RBPJ: variants seen among roughly 807,000 people sequenced by gnomAD.
RBPJ encodes the protein recombining binding protein suppressor of hairless.
Under a neutral mutation model 67.8 loss-of-function variants are expected in RBPJ, and 9 were observed. That is an observed-to-expected ratio of 0.13 (90% CI 0.08 to 0.23). The LOEUF is 0.23. RBPJ is among the 10% of genes least tolerant of loss of function. The probability of loss-of-function intolerance (pLI) is 1.00; values close to 1 mark genes in which losing one functional copy is unlikely to be tolerated. For missense variants in RBPJ, 305 were observed against 595.6 expected (o/e 0.51, Z 5.08); for synonymous variants, 198 against 203.3 (o/e 0.97, Z 0.22).
intron 1 of RBPJ, among the ~76,000 whole-genome samples, chr4:26,270,132 C>T (rs1353801555): frequency 6.6e-6 from 1 of 151,078 alleles, no homozygotes; most frequent in Non-Finnish European, 1.5e-5. Context: ...CAATACAAAG[C>T]TTACCCAGGT....
intron 1 of RBPJ, among the ~76,000 whole-genome samples, chr4:26,291,988 T>C (rs140475915): frequency 1.3e-5 from 2 of 151,110 alleles, no homozygotes; most frequent in African/African-American, 4.9e-5. Flanking sequence ...GACGATTTGA[T>C]ATATGTACAT....
chr4:26,280,216 G>A (rs1003575660), intron 1 of RBPJ, among the ~76,000 whole-genome samples: 24 of 151,676 alleles, frequency 1.6e-4, no homozygotes, highest in African/African-American at 4.6e-4. Context: ...CTAACACGGC[G>A]AAACCCCAAC....
chr4:26,411,382 A>G (rs1253885030), intron 3 of RBPJ, among the ~76,000 whole-genome samples: 1 of 149,608 alleles, frequency 6.7e-6, no homozygotes, highest in African/African-American at 2.5e-5. Flanking sequence ...TTTTGTATAT[A>G]TGCTGACTTT....
chr4:26,317,364 C>G (rs1722687647), upstream of RBPJ, among the ~76,000 whole-genome samples: 1 of 151,950 alleles, frequency 6.6e-6, no homozygotes, highest in Non-Finnish European at 1.5e-5. Context: ...AGGCTTGGAG[C>G]TGAAAGTGTG....
At chr4:26,393,417 C>T (rs1370435151) in intron 2 of RBPJ, among the ~76,000 whole-genome samples, 1 of 152,140 alleles carries the variant, frequency 6.6e-6, no homozygotes, top group African/African-American at 2.4e-5. Context: ...CTTTATCACC[C>T]AGGCTATAGC....
Position 26,270,432 on chromosome 4 carries a change from A to AGAAAGAAG in RBPJ, c.-166-92013_-166-92006dup, listed in dbSNP as rs1720873175. On this transcript the variant is annotated intron_variant, in intron 1 of 4. Coordinates refer to the RBPJ transcript ENST00000512351. ...AAGAAAGAAAGAAAGAAAGAAAGAA[A>AGAAAGAAG]GAAAGAAGAAAGAAAGAAAGAAAGA... Among the ~76,000 whole-genome samples, 4 of 63,258 alleles carry AGAAAGAAG rather than the reference A, an allele frequency of 6.3e-5. No individual in the cohort carries two copies. The South Asian group carries it at 1.6e-3, about 25-fold the overall frequency. The allele number at this position is 63,258 out of a possible 152,430, so 41.5% of individuals were successfully genotyped here.
downstream of RBPJ, chr4:26,434,951 G>A (rs759525354): frequency 1.3e-5 from 2 of 152,170 alleles, no homozygotes; most frequent in African/African-American, 2.4e-5. Flanking sequence ...CCTGATGCAT[G>A]TATTATCGTC....
intron 1 of RBPJ, among the ~76,000 whole-genome samples, chr4:26,213,757 AG>A (rs1394100068): frequency 2.0e-5 from 3 of 152,154 alleles, no homozygotes; most frequent in Non-Finnish European, 4.4e-5. Flanking sequence ...GATGGAGACT[AG>A]GTTGTAAGAG....
At chr4:26,255,187 G>A (rs1246863914) in intron 1 of RBPJ, among the ~76,000 whole-genome samples, 4 of 145,382 alleles carry the variant, frequency 2.8e-5, no homozygotes, top group Non-Finnish European at 6.0e-5. Context: ...GGTGGATCAC[G>A]AGGTCAGGAG....
upstream of RBPJ, among the ~76,000 whole-genome samples, chr4:26,317,161 T>TA (rs1722679192): frequency 6.6e-6 from 1 of 151,468 alleles, no homozygotes; most frequent in African/African-American, 2.4e-5. Context: ...TGATAAATGT[T>TA]ATGTTAGTTA....
At chr4:26,117,573 TG>T in the RBPJ span, among the ~76,000 whole-genome samples, 4 of 152,178 alleles carry the variant, frequency 2.6e-5, no homozygotes, top group African/African-American at 9.6e-5. Context: ...ATTGACTTCA[TG>T]GACTTTACTG....
upstream of RBPJ, among the ~76,000 whole-genome samples, chr4:26,160,326 A>C (rs750103456): frequency 1.3e-5 from 2 of 152,198 alleles, no homozygotes; most frequent in Non-Finnish European, 2.9e-5. Context: ...GGAATCTAGG[A>C]GATGCAGTCT....
At chr4:26,319,791 G>T, upstream of RBPJ, 1 of 1,337,832 alleles carries the variant, frequency 7.5e-7, no homozygotes, top group East Asian at 2.3e-5. Flanking sequence ...GCGAATTCCA[G>T]TTCTCCGGGT....
At chr4:26,339,122 A>T (rs1190518720) in intron 1 of RBPJ, among the ~76,000 whole-genome samples, 1 of 152,036 alleles carries the variant, frequency 6.6e-6, no homozygotes, top group Non-Finnish European at 1.5e-5. Flanking sequence ...TGCCAGCCTT[A>T]TATTTTTATA....
chr4:26,113,601 T>G, the RBPJ span: 910 of 393,610 alleles, frequency 2.3e-3, 13 homozygotes, highest in South Asian at 0.013. Context: ...GGGAAATCCT[T>G]CTGCCCCAGG....
intron 1 of RBPJ, among the ~76,000 whole-genome samples, chr4:26,383,701 GTAC>G (rs1279631242): frequency 1.3e-5 from 2 of 152,044 alleles, no homozygotes; most frequent in South Asian, 4.1e-4. Flanking sequence ...TGCTACAGTG[GTAC>G]ATTTAATCGG....
At chr4:26,176,218 A>G (rs559531284) in intron 1 of RBPJ, among the ~76,000 whole-genome samples, 1 of 152,330 alleles carries the variant, frequency 6.6e-6, no homozygotes, top group African/African-American at 2.4e-5. Flanking sequence ...TCCAGCAACT[A>G]TACTCAGAAA....
the RBPJ span, among the ~76,000 whole-genome samples, chr4:26,142,713 C>T: frequency 2.0e-5 from 3 of 152,150 alleles, no homozygotes; most frequent in Non-Finnish European, 4.4e-5. Flanking sequence ...ACTGTGCAGG[C>T]ACAGGAGAAA....
At chr4:26,204,758 G>A (rs1235809069) in intron 1 of RBPJ, among the ~76,000 whole-genome samples, 1 of 152,186 alleles carries the variant, frequency 6.6e-6, no homozygotes, top group Non-Finnish European at 1.5e-5. Context: ...ATGGTTATGA[G>A]GGTTCAGTAA....
Sources: allele counts gnomAD v4.1 joint callset (sites outside exome capture counted in the v4.1 genomes callset), GRCh38; gene constraint gnomAD v4.1.1; transcripts MANE v1.5; gene names NCBI Gene and HGNC (gene_info 2026-07-23, HGNC 2026-07-21).